CPM: variants seen among roughly 807,000 people sequenced by gnomAD.
CPM encodes the protein carboxypeptidase M.
A neutral mutation model predicts 46.4 loss-of-function variants in CPM; 35 were observed. That is an observed-to-expected ratio of 0.75 (90% confidence interval 0.58 to 1.00). The LOEUF (loss-of-function observed/expected upper bound fraction) is 1.00. Ranked by LOEUF, CPM falls within the 50% of genes least tolerant of loss-of-function variation. The pLI is 0.00. For missense variants in CPM, 422 were observed against 530.4 expected (o/e 0.80, Z 2.01); for synonymous variants, 195 against 195.3 (o/e 1.00, Z 0.01).
chr12:68,937,846 A>T (rs536674992), upstream of CPM, among the ~76,000 whole-genome samples: 156 of 152,346 alleles, frequency 1.0e-3, 1 homozygote, highest in Non-Finnish European at 1.7e-3. Context: ...CAATGAAGGC[A>T]TTTTAATTTA....
chr12:68,895,450 A>G (rs1468028530), intron 2 of CPM, among the ~76,000 whole-genome samples: 1 of 152,222 alleles, frequency 6.6e-6, no homozygotes, highest in Non-Finnish European at 1.5e-5. Flanking sequence ...CATATGAGTG[A>G]CATCTAAATC....
Position 68,926,894 on chromosome 12 carries a change from C to T in CPM, c.160+5784G>A, listed in dbSNP as rs1379512840. ...CATGTCCCTACAAAGGACATGAACT[C>T]ATCATTCTTTGTGGCTGCATAGTAT... On this transcript the variant is annotated intron_variant, in intron 2 of 8. Coordinates refer to ENST00000551568, the MANE Select transcript of CPM (RefSeq NM_198320.5). Among the ~76,000 whole-genome samples, 6 of 152,216 alleles carry T rather than the reference C, an allele frequency of 3.9e-5. No individual in the cohort carries two copies. In the East Asian group the frequency reaches 1.2e-3, roughly 29 times the overall value.
rs1266822470 is a variant in CPM at position 68,852,614 on chromosome 12, T to C, written c.*3823A>G. 6.6e-6 allele frequency: 1 copy of C among 151,604 alleles called. No individual in the cohort carries two copies. Among genetic ancestry groups the C allele is most frequent in the Non-Finnish European group, 1.5e-5 (1 of 67,980 alleles). 9.4% of individuals were successfully genotyped at this position (151,604 alleles called of 1,614,324 possible). A position where few individuals can be genotyped will look rare whatever the true frequency, so the allele number is the denominator to read the frequency against. ...TCACCCCGGCTGGAGTGCAGTGCAG[T>C]GATGTGATCTTGGCTCACTGCAACC... On this transcript the variant is annotated 3_prime_UTR_variant, in exon 9 of 9. Transcript: ENST00000551568.
chr12:68,943,119 G>A (rs1173642392), intron 1 of CPM, among the ~76,000 whole-genome samples: 1 of 152,156 alleles, frequency 6.6e-6, no homozygotes, highest in African/African-American at 2.4e-5. Context: ...AACTAAAATA[G>A]TAAATTATTA....
At chr12:68,911,367 C>T (rs1261367454) in intron 2 of CPM, among the ~76,000 whole-genome samples, 3 of 152,200 alleles carry the variant, frequency 2.0e-5, no homozygotes, top group Non-Finnish European at 4.4e-5. Context: ...ACTGCAGCTG[C>T]GGCTGGAGCC....
intron 1 of CPM, among the ~76,000 whole-genome samples, chr12:68,950,204 G>T (rs367959670): frequency 1.3e-5 from 2 of 152,126 alleles, no homozygotes; most frequent in African/African-American, 4.8e-5. Context: ...GGTTTTGAAA[G>T]GTGGTAAATA....
At chr12:68,905,171 A>G (rs1054316934) in intron 2 of CPM, among the ~76,000 whole-genome samples, 34 of 152,080 alleles carry the variant, frequency 2.2e-4, no homozygotes, top group Non-Finnish European at 2.9e-5. Context: ...CAGCCTCCCA[A>G]GGTGCTAGGA....
At chr12:68,885,931 C>T (rs1259041664) in intron 2 of CPM, 42 bp from the exon 3 acceptor site, 3 of 1,546,300 alleles carry the variant, frequency 1.9e-6, no homozygotes, top group Non-Finnish European at 2.7e-6. Context: ...TAAGTTGTCT[C>T]TTAAAATGAC....
At chr12:68,885,069 G>A (rs1207050153) in intron 3 of CPM, among the ~76,000 whole-genome samples, 2 of 152,044 alleles carry the variant, frequency 1.3e-5, no homozygotes, top group African/African-American at 4.8e-5. Flanking sequence ...TCAGCCTCCC[G>A]ACTAGCTGAG....
At chr12:68,912,629 G>A (rs1045090301) in intron 2 of CPM, among the ~76,000 whole-genome samples, 27 of 152,260 alleles carry the variant, frequency 1.8e-4, no homozygotes, top group African/African-American at 6.5e-4. Context: ...AGCCCACTGA[G>A]TTTTGGAACT....
At chr12:68,951,937 G>A (rs559892412) in intron 1 of CPM, among the ~76,000 whole-genome samples, 1 of 152,348 alleles carries the variant, frequency 6.6e-6, no homozygotes, top group South Asian at 2.1e-4. Flanking sequence ...TGCCAGTGAA[G>A]GCCATGGGAA....
intron 8 of CPM, 95 bp downstream of exon 8, chr12:68,858,828 T>C: frequency 1.3e-6 from 1 of 750,748 alleles, no homozygotes; most frequent in African/African-American, 1.8e-5. Context: ...GATCTACTTT[T>C]GAACTTCCTA....
intron 2 of CPM, among the ~76,000 whole-genome samples, chr12:68,912,264 C>G (rs979015491): frequency 1.3e-5 from 2 of 152,160 alleles, no homozygotes; most frequent in African/African-American, 4.8e-5. Context: ...CTTGGCCTCC[C>G]AAAGTGGTGG....
intron 4 of CPM, 55 bp downstream of exon 4, chr12:68,871,729 C>A: frequency 6.3e-7 from 1 of 1,586,018 alleles, no homozygotes; most frequent in East Asian, 2.2e-5. Context: ...AGGTGCCTGT[C>A]GGGAGCCTTT....
chr12:68,929,251 G>T (rs1434657695), intron 2 of CPM, among the ~76,000 whole-genome samples: 1 of 152,124 alleles, frequency 6.6e-6, no homozygotes. Flanking sequence ...TAATGGCAGG[G>T]AATGAATGAC....
At chr12:68,946,742 TG>T (rs1348755027) in intron 1 of CPM, among the ~76,000 whole-genome samples, 20 of 152,350 alleles carry the variant, frequency 1.3e-4, no homozygotes, top group African/African-American at 4.8e-4. Context: ...AGATGCTTAC[TG>T]AACTTATGCA....
At chr12:68,876,885 C>T (rs755122408) in intron 3 of CPM, among the ~76,000 whole-genome samples, 2 of 139,020 alleles carry the variant, frequency 1.4e-5, no homozygotes, top group Non-Finnish European at 3.1e-5. Context: ...TGTGTGTGCA[C>T]GCGCATGCGT....
chr12:68,945,407 T>C (rs1414621581), intron 1 of CPM, among the ~76,000 whole-genome samples: 2 of 152,138 alleles, frequency 1.3e-5, no homozygotes, highest in African/African-American at 4.8e-5. Context: ...GCAAAGGTGG[T>C]TTCAGTTCCC....
chr12:68,928,437 T>C (rs1476458669), intron 2 of CPM, among the ~76,000 whole-genome samples: 1 of 152,226 alleles, frequency 6.6e-6, no homozygotes, highest in East Asian at 1.9e-4. Context: ...GCTTGGGAAA[T>C]AGGCAGATCT....
Sources: gnomAD v4.1 joint callset for allele counts (sites outside exome capture counted in the v4.1 genomes callset) on GRCh38, gnomAD v4.1.1 for gene constraint, MANE v1.5 for transcripts, NCBI Gene and HGNC (gene_info 2026-07-23, HGNC 2026-07-21) for gene names.